Variants in RFX4 observed in about 807,000 individuals in gnomAD.
RFX4 encodes regulatory factor X4.
In RFX4, 10 loss-of-function variants were observed where a neutral mutation model predicts 95.0. The observed-to-expected ratio is 0.11, with a 90% CI of 0.06 to 0.18. RFX4 has a LOEUF of 0.18. RFX4 is among the 10% of genes least tolerant of loss of function. The probability of loss-of-function intolerance (pLI) is 1.00; values close to 1 mark genes in which losing one functional copy is unlikely to be tolerated. For synonymous variants in RFX4, 321 were observed against 340.7 expected (o/e 0.94, Z 0.64); for missense variants, 640 against 922.0 (o/e 0.69, Z 3.96).
At chr12:106,697,190 C>T (rs2041897339) in intron 8 of RFX4, among the ~76,000 whole-genome samples, 2 of 152,166 alleles carry the variant, frequency 1.3e-5, no homozygotes, top group African/African-American at 4.8e-5. Flanking sequence ...TTGCAGCAGT[C>T]TCCCTCATAG....
At chr12:106,652,335 G>A (rs997926882) in intron 3 of RFX4, among the ~76,000 whole-genome samples, 1 of 152,166 alleles carries the variant, frequency 6.6e-6, no homozygotes, top group Admixed American at 6.5e-5. Flanking sequence ...ATGCAAGCAT[G>A]GACTATCTTG....
chr12:106,634,119 G>T (rs1592875572), intron 2 of RFX4, among the ~76,000 whole-genome samples: 1 of 152,214 alleles, frequency 6.6e-6, no homozygotes, highest in East Asian at 1.9e-4. Flanking sequence ...GTTGAGAGGA[G>T]CTTGGATTCT....
At chr12:106,598,879 A>G (rs1426871861) in intron 1 of RFX4, among the ~76,000 whole-genome samples, 1 of 152,222 alleles carries the variant, frequency 6.6e-6, no homozygotes, top group Non-Finnish European at 1.5e-5. Flanking sequence ...AGAAATAGAA[A>G]CAAAGAAAAA....
At chr12:106,739,952 T>G (rs2042778694) in intron 15 of RFX4, among the ~76,000 whole-genome samples, 1 of 152,226 alleles carries the variant, frequency 6.6e-6, no homozygotes, top group Non-Finnish European at 1.5e-5. Context: ...CTGCAATTCT[T>G]TAATGGCATC....
intron 8 of RFX4, among the ~76,000 whole-genome samples, chr12:106,700,760 C>T (rs2041973855): frequency 6.6e-6 from 1 of 152,176 alleles, no homozygotes; most frequent in African/African-American, 2.4e-5. Flanking sequence ...TACTGCTTCA[C>T]ATGTAGTGTA....
intron 2 of RFX4, among the ~76,000 whole-genome samples, chr12:106,628,329 G>A (rs1032854124): frequency 3.3e-5 from 5 of 152,138 alleles, no homozygotes; most frequent in Admixed American, 2.0e-4. Flanking sequence ...AAGGCACTAT[G>A]TCTGACTGTA....
chr12:106,663,259 G>A (rs1475813851), intron 4 of RFX4, among the ~76,000 whole-genome samples: 1 of 151,942 alleles, frequency 6.6e-6, no homozygotes, highest in Admixed American at 6.6e-5. Context: ...TTTTCCTCGT[G>A]TAGCTCTTAT....
chr12:106,641,549 C>A (rs563944286), intron 3 of RFX4, among the ~76,000 whole-genome samples: 8 of 152,270 alleles, frequency 5.3e-5, no homozygotes, highest in African/African-American at 1.9e-4. Context: ...TTCTATGGTA[C>A]CTAATTCTGC....
intron 2 of RFX4, among the ~76,000 whole-genome samples, chr12:106,624,670 G>C (rs992523322): frequency 6.6e-6 from 1 of 152,058 alleles, no homozygotes; most frequent in African/African-American, 2.4e-5. Context: ...CGGGGCGGAG[G>C]GGGGAAGAAG....
At chr12:106,614,203 C>A (rs1437257045) in intron 2 of RFX4, among the ~76,000 whole-genome samples, 1 of 152,028 alleles carries the variant, frequency 6.6e-6, no homozygotes, top group South Asian at 2.1e-4. Context: ...CTCTGTCACC[C>A]AAGCTGGAGT....
At chr12:106,585,199 T>A (rs1056044024) in intron 1 of RFX4, among the ~76,000 whole-genome samples, 1 of 152,162 alleles carries the variant, frequency 6.6e-6, no homozygotes, top group Non-Finnish European at 1.5e-5. Context: ...CTGGGGGGCT[T>A]TTAGCTGCCT....
At chr12:106,646,556 A>C (rs896052824) in intron 3 of RFX4, among the ~76,000 whole-genome samples, 1 of 152,128 alleles carries the variant, frequency 6.6e-6, no homozygotes, top group Non-Finnish European at 1.5e-5. Flanking sequence ...TTGTAGGTCA[A>C]ACCCAGCGTA....
intron 1 of RFX4, among the ~76,000 whole-genome samples, chr12:106,603,220 T>G (rs2039748795): frequency 6.6e-6 from 1 of 152,222 alleles, no homozygotes; most frequent in Non-Finnish European, 1.5e-5. Flanking sequence ...TATGGGTTTG[T>G]GAGGCACCAC....
At chr12:106,752,319 C>T (rs2043022662) in intron 17 of RFX4, among the ~76,000 whole-genome samples, 1 of 152,046 alleles carries the variant, frequency 6.6e-6, no homozygotes, top group South Asian at 2.1e-4. Context: ...GTACCAGTAC[C>T]ATGCTGTTTT....
At chr12:106,691,886 C>A (rs902015492) in intron 7 of RFX4, among the ~76,000 whole-genome samples, 1 of 152,196 alleles carries the variant, frequency 6.6e-6, no homozygotes, top group Non-Finnish European at 1.5e-5. Context: ...AGGCCGGGCG[C>A]AGTGGCTCAC....
intron 16 of RFX4, among the ~76,000 whole-genome samples, chr12:106,749,401 A>G (rs574999541): frequency 1.3e-5 from 2 of 152,286 alleles, no homozygotes; most frequent in East Asian, 3.9e-4. Flanking sequence ...CAGTTGGCCC[A>G]GCATAATGCA....
At chr12:106,597,991 A>T (rs1257184279) in intron 1 of RFX4, among the ~76,000 whole-genome samples, 1 of 152,240 alleles carries the variant, frequency 6.6e-6, no homozygotes, top group African/African-American at 2.4e-5. Context: ...TCCAGGTAGT[A>T]TTCTATGTGC....
chr12:106,694,465 G>A (rs1592948667), intron 7 of RFX4, among the ~76,000 whole-genome samples: 1 of 152,278 alleles, frequency 6.6e-6, no homozygotes, highest in Non-Finnish European at 1.5e-5. Context: ...ACCAGGGCAG[G>A]GGCAGAAAGC....
intron 4 of RFX4, 69 bp from the exon 5 acceptor site, chr12:106,681,924 T>C: frequency 6.5e-7 from 1 of 1,538,574 alleles, no homozygotes; most frequent in Middle Eastern, 1.7e-4. Flanking sequence ...TAGATGGCTA[T>C]TTGTAAAACT....
Sources: gnomAD v4.1 joint callset for allele counts (sites outside exome capture counted in the v4.1 genomes callset) on GRCh38, gnomAD v4.1.1 for gene constraint, MANE v1.5 for transcripts, NCBI Gene and HGNC (gene_info 2026-07-23, HGNC 2026-07-21) for gene names.